The following BICD2 variants were observed in gnomAD, a reference collection of about 807,000 sequenced individuals.
BICD2 encodes the protein protein bicaudal D homolog 2.
Under a neutral mutation model 72.9 loss-of-function variants are expected in BICD2, and 25 were observed. The observed-to-expected ratio is 0.34, with a 90% confidence interval of 0.25 to 0.48. The LOEUF (loss-of-function observed/expected upper bound fraction) is 0.48. Among genes scored for constraint, BICD2 ranks in the 20% least tolerant of loss-of-function variants. The probability of loss-of-function intolerance (pLI) is 0.99; values close to 1 mark genes in which losing one functional copy is unlikely to be tolerated. For missense variants in BICD2, 894 were observed against 1,175.2 expected (o/e 0.76, Z 3.50); for synonymous variants, 501 against 516.1 (o/e 0.97, Z 0.40).
chr9:92,722,710 C>T lies in BICD2; in HGVS notation c.552G>A (p.Leu184=), dbSNP rs1293116197. ...EARLLQDYSE[L]EEENISLQKQ... ...TCTGCAGGCTGATGTTCTCCTCCTC[C>T]AGTTCCGAGTAGTCCTGCAGCAGAC... is the stretch of plus-strand genomic sequence containing the variant. The change falls in exon 3 of 7, where the codon CTG becomes CTA. Residue 184 remains leucine, a synonymous_variant. Coordinates refer to ENST00000356884, the MANE Select transcript of BICD2 (RefSeq NM_001003800.2). 6.2e-7 allele frequency: 1 copy of T among 1,614,236 alleles called. No homozygotes were observed. The highest frequency in any genetic ancestry group is 8.5e-7 in the Non-Finnish European group (1 of 1,180,052).
At chr9:92,737,074 C>T (rs1267467353) in intron 1 of BICD2, among the ~76,000 whole-genome samples, 1 of 152,116 alleles carries the variant, frequency 6.6e-6, no homozygotes, top group Admixed American at 6.5e-5. Context: ...GTGCCCACCA[C>T]CCCCATCTCA....
Position 92,713,872 on chromosome 9 carries a change from C to T in BICD2, c.*1282G>A. ...GAGCTGTGGGAGGGGGCAACACGGTCTCTCACCAGGTAACTCGAATGCCTC... is the reference window on the plus strand; with the variant it reads ...GAGCTGTGGGAGGGGGCAACACGGTTTCTCACCAGGTAACTCGAATGCCTC... On this transcript the variant is annotated 3_prime_UTR_variant, in exon 7 of 7. Transcript: ENST00000356884. 1 of 1,019,234 alleles carries T rather than the reference C, an allele frequency of 9.8e-7. No homozygotes were observed. Among genetic ancestry groups the T allele is most frequent in the Non-Finnish European group, 1.2e-6 (1 of 849,970 alleles). The allele number at this position is 1,019,234 out of a possible 1,614,324, so 63.1% of individuals were successfully genotyped here.
At chr9:92,743,066 G>C (rs182558019) in intron 1 of BICD2, among the ~76,000 whole-genome samples, 2 of 152,240 alleles carry the variant, frequency 1.3e-5, no homozygotes, top group Admixed American at 6.5e-5. Context: ...TTTCCACAAG[G>C]GCTATCCCAT....
At chr9:92,723,896 T>C (rs1033494070) in intron 2 of BICD2, among the ~76,000 whole-genome samples, 5 of 152,152 alleles carry the variant, frequency 3.3e-5, no homozygotes, top group African/African-American at 2.4e-5. Context: ...GGACGTTTCT[T>C]CTTTGTGGTG....
Position 92,764,580 on chromosome 9 carries a change from G to A in BICD2, c.165C>T (p.His55=), listed in dbSNP as rs150915279. The change falls in exon 1 of 7, where the codon CAC becomes CAT. Residue 55 remains histidine, a synonymous_variant. Coordinates refer to ENST00000356884, the MANE Select transcript of BICD2 (RefSeq NM_001003800.2). The surrounding 1 kb of genome is among the most constrained non-coding windows in gnomAD (Gnocchi z 5.5). ...GCTCCTCGAACTGCAGCTTGAGCTGGTGCTTCTCCTCGAGCACCGCCAGCC... is the reference window on the plus strand; with the variant it reads ...GCTCCTCGAACTGCAGCTTGAGCTGATGCTTCTCCTCGAGCACCGCCAGCC... ...EYGLAVLEEK[H]QLKLQFEELE... 11 of 1,571,144 alleles carry A rather than the reference G, an allele frequency of 7.0e-6. No individual in the cohort carries two copies. The highest frequency in any genetic ancestry group is 4.1e-5 in the African/African-American group (3 of 73,856).
chr9:92,740,332 T>C (rs181586241), intron 1 of BICD2, among the ~76,000 whole-genome samples: 1 of 152,252 alleles, frequency 6.6e-6, no homozygotes, highest in East Asian at 1.9e-4. Flanking sequence ...TTTCTGTAAA[T>C]CTGAAACTGT....
At position 92,752,752 on chromosome 9, in the gene BICD2, G is replaced by A. The variant is rs181803813; in HGVS notation, c.240+11753C>T. Among the ~76,000 whole-genome samples, 258 of 152,202 alleles carry A rather than the reference G, an allele frequency of 1.7e-3. 1 individual carries two copies. Among genetic ancestry groups the A allele is most frequent in the Non-Finnish European group, 2.8e-3 (193 of 68,018 alleles). ...AGCCTGGGCGACAGAGTGAGACCCT[G>A]TCCCAAATAAAATAAATAAAATGAA... On this transcript the variant is annotated intron_variant, in intron 1 of 6. Coordinates refer to ENST00000356884, the MANE Select transcript of BICD2 (RefSeq NM_001003800.2).
At chr9:92,744,420 T>C (rs950748894) in intron 1 of BICD2, among the ~76,000 whole-genome samples, 2 of 152,220 alleles carry the variant, frequency 1.3e-5, no homozygotes, top group Admixed American at 6.5e-5. Context: ...AACTTCTTGA[T>C]CTGTTGGTAG....
intron 1 of BICD2, among the ~76,000 whole-genome samples, chr9:92,761,334 G>A (rs1371364247): frequency 1.3e-5 from 2 of 152,212 alleles, no homozygotes; most frequent in African/African-American, 2.4e-5. Flanking sequence ...GATTCAGTCC[G>A]CAGAAGACCT....
intron 1 of BICD2, among the ~76,000 whole-genome samples, chr9:92,736,957 A>C (rs1286789695): frequency 6.6e-6 from 1 of 152,170 alleles, no homozygotes; most frequent in African/African-American, 2.4e-5. Context: ...ACAGGGCAGT[A>C]AGGATCCTGT....
chr9:92,741,936 T>C (rs183771062), intron 1 of BICD2, among the ~76,000 whole-genome samples: 3 of 152,294 alleles, frequency 2.0e-5, no homozygotes, highest in Admixed American at 2.0e-4. Context: ...TGTTGAGTTA[T>C]GAACACAAAA....
rs988304943 is a variant in BICD2 at position 92,764,810 on chromosome 9, CGCT to C, written c.-69_-67del. On this transcript the variant is annotated 5_prime_UTR_variant, in exon 1 of 7. Transcript: ENST00000356884. The surrounding 1 kb of genome is among the most constrained non-coding windows in gnomAD (Gnocchi z 5.5). ...AGGCCGGGCCCTCCTCAGCCGCCGC[CGCT>C]GCCGCCGCCGCCGCCGCCCTGCCCC... The C allele has an allele frequency of 1.5e-4, 178 of 1,192,752 alleles. 7 individuals carry two copies. In the East Asian group the frequency reaches 5.3e-3, roughly 35 times the overall value. The allele number at this position is 1,192,752 out of a possible 1,614,324, so 73.9% of individuals were successfully genotyped here.
In BICD2 at chr9:92,713,441, C is replaced by T; in HGVS notation, c.*1713G>A. 5 of 1,589,222 alleles carry T rather than the reference C, an allele frequency of 3.1e-6. No individual in the cohort carries two copies. The highest frequency in any genetic ancestry group is 4.3e-6 in the Non-Finnish European group (5 of 1,166,766). ...TGTGACAGGGCCGGGTGGCCAAGTCCTCCTGGCAGCTACTCTACAGCTGAA... is the reference window on the plus strand; with the variant it reads ...TGTGACAGGGCCGGGTGGCCAAGTCTTCCTGGCAGCTACTCTACAGCTGAA... On this transcript the variant is annotated 3_prime_UTR_variant, in exon 7 of 7. Transcript: ENST00000356884.
chr9:92,722,535 G>A (rs1483062526), intron 3 of BICD2, 121 bp downstream of exon 3: 1 of 1,342,294 alleles, frequency 7.4e-7, no homozygotes, highest in Non-Finnish European at 1.0e-6. Flanking sequence ...AGCTGGCCCT[G>A]GGCCTCGGGT....
intron 1 of BICD2, among the ~76,000 whole-genome samples, chr9:92,753,781 C>T (rs1022698089): frequency 4.6e-5 from 7 of 151,830 alleles, no homozygotes; most frequent in Middle Eastern, 3.4e-3. Flanking sequence ...CCTCATGATC[C>T]GCCTGCCTCG....
chr9:92,741,812 T>C (rs964495073), intron 1 of BICD2, among the ~76,000 whole-genome samples: 1 of 152,226 alleles, frequency 6.6e-6, no homozygotes, highest in Non-Finnish European at 1.5e-5. Context: ...TACTGCTAAA[T>C]TCCTATTTTT....
rs960874097 is a variant in BICD2 at position 92,712,276 on chromosome 9, A to G, written c.*2878T>C. On this transcript the variant is annotated 3_prime_UTR_variant, in exon 7 of 7. Coordinates refer to ENST00000356884, the MANE Select transcript of BICD2 (RefSeq NM_001003800.2). ...ATCACTGACTAACAGAATTTTGCAC[A>G]ATGACTGTTTTCTTTCCCTCAATGA... is the stretch of plus-strand genomic sequence containing the variant. 6.6e-6 allele frequency: 1 copy of G among 152,646 alleles called. No individual in the cohort carries two copies. Among genetic ancestry groups the G allele is most frequent in the Non-Finnish European group, 1.5e-5 (1 of 68,036 alleles). The allele number at this position is 152,646 out of a possible 1,614,324, so 9.5% of individuals were successfully genotyped here.
chr9:92,736,639 G>A (rs999802164), intron 1 of BICD2, among the ~76,000 whole-genome samples: 4 of 152,074 alleles, frequency 2.6e-5, no homozygotes, highest in African/African-American at 7.2e-5. Context: ...ACTTGCTTTC[G>A]CTTTACTCTA....
chr9:92,736,844 A>G (rs1259349818), intron 1 of BICD2, among the ~76,000 whole-genome samples: 2 of 152,228 alleles, frequency 1.3e-5, no homozygotes, highest in African/African-American at 4.8e-5. Flanking sequence ...AAACTGAGGC[A>G]CAACAGAGCT....
Sources: gnomAD v4.1 joint callset for allele counts (sites outside exome capture counted in the v4.1 genomes callset) on GRCh38, gnomAD v4.1.1 for gene constraint, Gnocchi (gnomAD v3.1) non-coding constraint, MANE v1.5 for transcripts, NCBI Gene and HGNC (gene_info 2026-07-23, HGNC 2026-07-21) for gene names.